DAB1: variants seen among roughly 807,000 people sequenced by gnomAD.
DAB1 encodes disabled homolog 1.
Under a neutral mutation model 64.6 loss-of-function variants are expected in DAB1, and 15 were observed. The observed-to-expected ratio is 0.23, with a 90% CI of 0.16 to 0.36. The LOEUF is 0.36. Ranked by LOEUF, DAB1 falls within the 10% of genes least tolerant of loss-of-function variation. DAB1 has a pLI of 1.00. For synonymous variants in DAB1, 235 were observed against 251.9 expected (o/e 0.93, Z 0.64); for missense variants, 596 against 706.7 (o/e 0.84, Z 1.78).
intron 2 of DAB1, among the ~76,000 whole-genome samples, chr1:57,166,600 G>T (rs1391193640): frequency 6.6e-6 from 1 of 152,166 alleles, no homozygotes. Context: ...TTGAACCAGG[G>T]TTGTCTGGGA....
At position 57,134,664 on chromosome 1, in the gene DAB1, C is replaced by T. The variant is rs181178963; in HGVS notation, c.306+1879G>A. On this transcript the variant is annotated intron_variant, in intron 4 of 14. Transcript: ENST00000371236. Reference sequence around the variant, plus strand: ...CAAACCTGCACATGTACCCCTGAACCTAAGTTTAAAAAGAAAAAGAATACA... The same window carrying T: ...CAAACCTGCACATGTACCCCTGAACTTAAGTTTAAAAAGAAAAAGAATACA... Among the ~76,000 whole-genome samples the T allele has an allele frequency of 6.0e-4, 91 of 152,074 alleles. 2 individuals carry two copies. The East Asian group carries it at 0.013, about 21-fold the overall frequency.
chr1:57,452,590 G>A (rs1312236895), intron 7 of DAB1, among the ~76,000 whole-genome samples: 1 of 152,106 alleles, frequency 6.6e-6, no homozygotes, highest in African/African-American at 2.4e-5. Flanking sequence ...AGTGGTAGTG[G>A]TGCTGGTGAT....
intron 5 of DAB1, among the ~76,000 whole-genome samples, chr1:57,902,909 G>A (rs1296912783): frequency 1.3e-5 from 2 of 152,114 alleles, no homozygotes; most frequent in East Asian, 1.9e-4. Flanking sequence ...AGACATACCC[G>A]AGACTGGGTC....
intron 5 of DAB1, among the ~76,000 whole-genome samples, chr1:58,137,320 T>G (rs749831786): frequency 7.2e-5 from 11 of 152,194 alleles, no homozygotes; most frequent in Non-Finnish European, 1.5e-4. Flanking sequence ...CCACAAAAGT[T>G]TGGCCTGGAA....
chr1:57,002,351 C>T (rs927932682), intron 14 of DAB1, among the ~76,000 whole-genome samples: 7 of 152,040 alleles, frequency 4.6e-5, no homozygotes, highest in East Asian at 1.9e-4. Flanking sequence ...TATTCCTCAG[C>T]GCAGAGGGAG....
upstream of DAB1, among the ~76,000 whole-genome samples, chr1:57,426,987 T>C (rs986147871): frequency 6.6e-6 from 1 of 151,516 alleles, no homozygotes; most frequent in Admixed American, 6.6e-5. Context: ...CCTCAGCCTC[T>C]CAAGTAGCTG....
chr1:58,469,405 A>G (rs1462474006), intron 3 of DAB1, among the ~76,000 whole-genome samples: 1 of 152,202 alleles, frequency 6.6e-6, no homozygotes, highest in Non-Finnish European at 1.5e-5. Flanking sequence ...GTGCTTTAAA[A>G]AAAAAAACAT....
At chr1:57,129,710 G>C (rs1657479978) in intron 4 of DAB1, among the ~76,000 whole-genome samples, 1 of 152,060 alleles carries the variant, frequency 6.6e-6, no homozygotes, top group African/African-American at 2.4e-5. Flanking sequence ...ATTCGCAAAT[G>C]TGTGGGTTAG....
intron 2 of DAB1, among the ~76,000 whole-genome samples, chr1:57,227,519 T>TTTTTTGTG (rs3222527): frequency 1.7e-4 from 23 of 135,810 alleles, no homozygotes; most frequent in African/African-American, 5.7e-4. Context: ...TTTTTTTCTT[T>TTTTTTGTG]TGTGTGTGTG....
intron 4 of DAB1, among the ~76,000 whole-genome samples, chr1:57,103,033 G>A (rs1344781932): frequency 6.6e-6 from 1 of 152,096 alleles, no homozygotes; most frequent in Non-Finnish European, 1.5e-5. Context: ...AAACCCACAC[G>A]CTCAGGCCTT....
intron 4 of DAB1, among the ~76,000 whole-genome samples, chr1:58,164,788 T>C (rs1655735484): frequency 6.6e-6 from 1 of 152,146 alleles, no homozygotes; most frequent in Non-Finnish European, 1.5e-5. Context: ...TATCCCACCC[T>C]TTATTAAATG....
rs550050996 is a variant in DAB1 at position 58,189,530 on chromosome 1, T to C, written n.310-38942A>G. 3.9e-5 allele frequency among the ~76,000 whole-genome samples: 6 copies of C among 152,328 alleles called. No individual in the cohort carries two copies. The South Asian group carries it at 1.2e-3, about 32-fold the overall frequency. On this transcript the variant is annotated intron_variant and non_coding_transcript_variant, in intron 4 of 20. Transcript: ENST00000485760. The stretch of plus-strand genomic sequence containing the variant: ...TAACCAGACACCTCCGATGTGCCAC[T>C]CAAGATGCACTTAGCTTTTCCTGGC...
At chr1:57,729,873 C>T (rs1303177072) in intron 6 of DAB1, among the ~76,000 whole-genome samples, 2 of 152,086 alleles carry the variant, frequency 1.3e-5, no homozygotes, top group African/African-American at 2.4e-5. Flanking sequence ...TCAGCCTGGG[C>T]ACCATAGTGA....
Position 58,377,291 on chromosome 1 carries a change from T to G in DAB1, n.258-33888A>C, listed in dbSNP as rs1413330315. ...TCCTAGTCTCGATGGTCTTTACATT[T>G]TGGCATGATTTTGCAGCGGCTGGTA... is the stretch of plus-strand genomic sequence containing the variant. On this transcript the variant is annotated intron_variant and non_coding_transcript_variant, in intron 3 of 20. Transcript: ENST00000485760. 2.9e-4 allele frequency among the ~76,000 whole-genome samples: 43 copies of G among 145,814 alleles called. 1 individual carries two copies. The East Asian group carries it at 7.8e-3, about 26-fold the overall frequency.
intron 3 of DAB1, among the ~76,000 whole-genome samples, chr1:58,495,458 C>A (rs1027172454): frequency 1.3e-5 from 2 of 151,816 alleles, no homozygotes; most frequent in African/African-American, 4.8e-5. Flanking sequence ...GATTTAGTTT[C>A]TCATGCCACT....
At chr1:58,152,381 T>C (rs1654994048) in intron 4 of DAB1, among the ~76,000 whole-genome samples, 1 of 152,148 alleles carries the variant, frequency 6.6e-6, no homozygotes, top group Admixed American at 6.5e-5. Context: ...TGAATCTGTA[T>C]CCCAAAACAA....
intron 1 of DAB1, among the ~76,000 whole-genome samples, chr1:57,371,502 T>G (rs1292590903): frequency 6.6e-6 from 1 of 152,218 alleles, no homozygotes; most frequent in Non-Finnish European, 1.5e-5. Context: ...AACTCATATT[T>G]ATATATACAT....
chr1:57,367,217 G>A (rs1323306846), intron 1 of DAB1, among the ~76,000 whole-genome samples: 1 of 152,062 alleles, frequency 6.6e-6, no homozygotes, highest in Non-Finnish European at 1.5e-5. Context: ...TGAGGCTGCA[G>A]TAAGCTGTGA....
intron 2 of DAB1, among the ~76,000 whole-genome samples, chr1:57,280,344 C>T (rs960043315): frequency 1.3e-5 from 2 of 152,186 alleles, no homozygotes; most frequent in African/African-American, 4.8e-5. Flanking sequence ...CATGTGTACT[C>T]TGACCATCCT....
Sources: gnomAD v4.1 joint callset for allele counts (sites outside exome capture counted in the v4.1 genomes callset) on GRCh38, gnomAD v4.1.1 for gene constraint, MANE v1.5 for transcripts, NCBI Gene and HGNC (gene_info 2026-07-23, HGNC 2026-07-21) for gene names.